The following LARP1B variants were observed in gnomAD, a reference collection of about 807,000 sequenced individuals.
LARP1B encodes La ribonucleoprotein 1B.
LARP1B carries 76 observed loss-of-function variants against 114.2 expected under a neutral mutation model. That is an observed-to-expected ratio of 0.67 (90% CI 0.55 to 0.81). The LOEUF is 0.81. Ranked by LOEUF, LARP1B falls within the 30% of genes least tolerant of loss-of-function variation. The probability of loss-of-function intolerance (pLI) is 0.00; values close to 1 mark genes in which losing one functional copy is unlikely to be tolerated. For synonymous variants in LARP1B, 345 were observed against 348.0 expected (o/e 0.99, Z 0.10); for missense variants, 1,014 against 1,075.8 (o/e 0.94, Z 0.80).
At chr4:128,107,724 T>G (rs755700987) in intron 9 of LARP1B, 15 of 1,462,378 alleles carry the variant, frequency 1.0e-5, no homozygotes, top group Non-Finnish European at 1.2e-5. Flanking sequence ...AATCTTGTCT[T>G]GGAAAGATAA....
intron 10 of LARP1B, among the ~76,000 whole-genome samples, chr4:128,115,969 A>G (rs898735149): frequency 1.3e-5 from 2 of 152,216 alleles, no homozygotes; most frequent in Non-Finnish European, 2.9e-5. Flanking sequence ...CAGAAAATGT[A>G]TAAATTTTGA....
At chr4:128,179,208 A>G (rs1184779108) in intron 14 of LARP1B, 198 bp from the exon 15 acceptor site, 2 of 410,522 alleles carry the variant, frequency 4.9e-6, no homozygotes, top group African/African-American at 4.1e-5. Flanking sequence ...TTGTGTCACA[A>G]ACCTACCAAA....
intron 1 of LARP1B, among the ~76,000 whole-genome samples, chr4:128,072,020 G>A (rs1420562544): frequency 1.3e-5 from 1 of 74,658 alleles, no homozygotes; most frequent in Non-Finnish European, 2.8e-5. Flanking sequence ...ATTTATTTGA[G>A]ATGGAGTCTC....
intron 15 of LARP1B, among the ~76,000 whole-genome samples, chr4:128,185,064 CTTCA>C (rs145820877): frequency 0.051 from 7,766 of 152,112 alleles, 263 homozygotes; most frequent in Non-Finnish European, 0.082. Flanking sequence ...ATAAAATTTT[CTTCA>C]TTCATCCATT....
At chr4:128,062,922 AT>A (rs1001291117) in intron 1 of LARP1B, among the ~76,000 whole-genome samples, 2 of 152,276 alleles carry the variant, frequency 1.3e-5, no homozygotes, top group Non-Finnish European at 2.9e-5. Flanking sequence ...ATTAAAAAAA[AT>A]AAAGTGCTTT....
intron 9 of LARP1B, 40 bp downstream of exon 9, chr4:128,107,353 G>A (rs1782459968): frequency 6.2e-7 from 1 of 1,607,092 alleles, no homozygotes; most frequent in Non-Finnish European, 8.5e-7. Flanking sequence ...GTAACAGTGG[G>A]TTATTTGGTC....
intron 15 of LARP1B, among the ~76,000 whole-genome samples, chr4:128,194,864 C>T (rs942922966): frequency 4.7e-5 from 7 of 149,888 alleles, no homozygotes; most frequent in South Asian, 2.1e-4. Context: ...GAGACTCCAT[C>T]GCAAAAAAAA....
chr4:128,129,064 T>C (rs1311198935), intron 11 of LARP1B, among the ~76,000 whole-genome samples: 8 of 147,222 alleles, frequency 5.4e-5, no homozygotes, highest in East Asian at 4.1e-4. Context: ...ACTCAGGAGG[T>C]TGAGGCAGGA....
intron 4 of LARP1B, among the ~76,000 whole-genome samples, chr4:128,081,527 A>G (rs995675177): frequency 6.6e-6 from 1 of 152,026 alleles, no homozygotes; most frequent in African/African-American, 2.4e-5. Flanking sequence ...GATTGGTCCA[A>G]TGTGATGTAA....
chr4:128,119,299 C>A (rs947327577), intron 10 of LARP1B, among the ~76,000 whole-genome samples: 7 of 152,152 alleles, frequency 4.6e-5, no homozygotes, highest in African/African-American at 1.7e-4. Context: ...CAGTACTTTT[C>A]TCTGGGATGT....
At chr4:128,099,290 C>CTTT (rs368079786) in intron 8 of LARP1B, among the ~76,000 whole-genome samples, 6 of 137,240 alleles carry the variant, frequency 4.4e-5, no homozygotes, top group Admixed American at 2.2e-4. Flanking sequence ...TTTTTTCTTT[C>CTTT]TTTTTTTTTT....
At chr4:128,069,615 T>C in intron 1 of LARP1B, 1 of 666,296 alleles carries the variant, frequency 1.5e-6, no homozygotes, top group South Asian at 1.6e-5. Context: ...GCCCCCATCT[T>C]GGCTTACCTG....
At position 128,082,241 on chromosome 4, in the gene LARP1B, C is replaced by G. The variant is rs766442909; in HGVS notation, c.294C>G (p.Asn98Lys). ...SESQERPGSR[N>K]SSRCQPEANK... ...GTCAAGAAAGACCTGGATCCCGGAACAGCTCAAGATGTCAACCTGAAGCAA... is the reference window on the plus strand; with the variant it reads ...GTCAAGAAAGACCTGGATCCCGGAAGAGCTCAAGATGTCAACCTGAAGCAA... The change falls in exon 5 of 20, where the codon AAC becomes AAG. Residue 98 changes from asparagine to lysine, a missense_variant. Coordinates refer to ENST00000326639, the MANE Select transcript of LARP1B (RefSeq NM_018078.4). The G allele has an allele frequency of 1.2e-6, 2 of 1,613,158 alleles. No individual in the cohort carries two copies. Among genetic ancestry groups the G allele is most frequent in the Admixed American group, 3.3e-5 (2 of 59,990 alleles).
At chr4:128,134,741 C>CA (rs1441640438) in intron 11 of LARP1B, among the ~76,000 whole-genome samples, 1 of 152,118 alleles carries the variant, frequency 6.6e-6, no homozygotes, top group Non-Finnish European at 1.5e-5. Flanking sequence ...TACAAATCAA[C>CA]AAAAAATATA....
chr4:128,157,081 C>T (rs1406641059), intron 11 of LARP1B, among the ~76,000 whole-genome samples: 1 of 151,808 alleles, frequency 6.6e-6, no homozygotes, highest in Non-Finnish European at 1.5e-5. Flanking sequence ...GAAATAGAAA[C>T]AGACCCCTAG....
At chr4:128,141,153 T>C (rs1727926264) in intron 11 of LARP1B, among the ~76,000 whole-genome samples, 1 of 152,094 alleles carries the variant, frequency 6.6e-6, no homozygotes, top group African/African-American at 2.4e-5. Flanking sequence ...TTTGTCTTCC[T>C]TTCCAGTGGT....
At chr4:128,154,721 C>T (rs1239203356) in intron 11 of LARP1B, among the ~76,000 whole-genome samples, 1 of 152,158 alleles carries the variant, frequency 6.6e-6, no homozygotes, top group Non-Finnish European at 1.5e-5. Flanking sequence ...TCTACCTTTG[C>T]ACCACATATG....
intron 7 of LARP1B, among the ~76,000 whole-genome samples, chr4:128,097,085 A>G (rs1289836240): frequency 1.3e-5 from 2 of 151,442 alleles, no homozygotes; most frequent in African/African-American, 4.9e-5. Flanking sequence ...TTTAGTAGAG[A>G]TGGGGTTTCC....
chr4:128,133,543 T>G (rs1792224540), intron 11 of LARP1B, among the ~76,000 whole-genome samples: 1 of 152,208 alleles, frequency 6.6e-6, no homozygotes, highest in Non-Finnish European at 1.5e-5. Flanking sequence ...CCTTGAATAG[T>G]CAAAACATTA....
Sources: allele counts gnomAD v4.1 joint callset (sites outside exome capture counted in the v4.1 genomes callset), GRCh38; gene constraint gnomAD v4.1.1; transcripts MANE v1.5; gene names NCBI Gene and HGNC (gene_info 2026-07-23, HGNC 2026-07-21).